Variants in TNR observed in about 807,000 individuals in gnomAD.
TNR encodes tenascin-R.
TNR carries 45 observed loss-of-function variants against 150.4 expected under a neutral mutation model. The observed-to-expected ratio is 0.30, with a 90% confidence interval of 0.24 to 0.38. The LOEUF (loss-of-function observed/expected upper bound fraction) is 0.38, where lower values mean the gene tolerates loss of function less well. Ranked by LOEUF, TNR falls within the 10% of genes least tolerant of loss-of-function variation. The pLI is 1.00. For synonymous variants in TNR, 687 were observed against 678.4 expected (o/e 1.01, Z -0.20); for missense variants, 1,544 against 1,759.1 (o/e 0.88, Z 2.19).
chr1:175,484,695 T>G (rs976680079), intron 2 of TNR, among the ~76,000 whole-genome samples: 2 of 152,226 alleles, frequency 1.3e-5, no homozygotes, highest in Non-Finnish European at 2.9e-5. Flanking sequence ...TTTTCTCTAT[T>G]TATTCTGAAC....
At chr1:175,665,260 T>C (rs988256499) in intron 1 of TNR, among the ~76,000 whole-genome samples, 1 of 152,156 alleles carries the variant, frequency 6.6e-6, no homozygotes, top group African/African-American at 2.4e-5. Context: ...TTCTAAAGTG[T>C]CTTTGAGTCC....
At chr1:175,386,432 A>T in intron 7 of TNR, 131 bp from the exon 8 acceptor site, 1 of 992,870 alleles carries the variant, frequency 1.0e-6, no homozygotes, top group Non-Finnish European at 1.4e-6. Context: ...TGCATTTTAC[A>T]GATGAGGAAA....
chr1:175,710,562 C>T (rs768799970), intron 1 of TNR, among the ~76,000 whole-genome samples: 6 of 152,034 alleles, frequency 3.9e-5, no homozygotes, highest in South Asian at 2.1e-4. Context: ...AGTGAAGAGG[C>T]CCTCAGTACA....
chr1:175,535,961 G>A (rs1233187896), intron 1 of TNR, among the ~76,000 whole-genome samples: 2 of 152,042 alleles, frequency 1.3e-5, no homozygotes, highest in Non-Finnish European at 2.9e-5. Context: ...TTCACCAATA[G>A]AAATCACAGA....
intron 18 of TNR, among the ~76,000 whole-genome samples, chr1:175,352,730 T>C (rs1043573859): frequency 2.6e-5 from 4 of 152,200 alleles, no homozygotes; most frequent in Non-Finnish European, 4.4e-5. Context: ...AAAACACTTG[T>C]TTCTCTGATT....
chr1:175,691,029 G>A (rs888582357), intron 1 of TNR, among the ~76,000 whole-genome samples: 7 of 152,182 alleles, frequency 4.6e-5, no homozygotes, highest in Admixed American at 4.6e-4. Flanking sequence ...TTGTTGGGGT[G>A]TTTGGCACAG....
chr1:175,550,581 C>T (rs1361379851), intron 1 of TNR, among the ~76,000 whole-genome samples: 1 of 151,188 alleles, frequency 6.6e-6, no homozygotes, highest in African/African-American at 2.4e-5. Flanking sequence ...GCTGATAATG[C>T]TTCTCCCTAC....
Position 175,618,756 on chromosome 1 carries a change from T to C in TNR, c.-164-90387A>G, listed in dbSNP as rs890684445. On this transcript the variant is annotated intron_variant, in intron 1 of 22. Coordinates refer to ENST00000367674, the MANE Select transcript of TNR (RefSeq NM_003285.3). ...AATCTACAGAGGAACCCACATCCTGTTTGTCACCTCCAGGAACACACTGGA... is the reference window on the plus strand; with the variant it reads ...AATCTACAGAGGAACCCACATCCTGCTTGTCACCTCCAGGAACACACTGGA... Among the ~76,000 whole-genome samples, 7 of 152,266 alleles carry C rather than the reference T, an allele frequency of 4.6e-5. 1 individual carries two copies. The highest frequency in any genetic ancestry group is 2.0e-4 in the Admixed American group (3 of 15,294).
At chr1:175,663,193 G>A (rs1449951880) in intron 1 of TNR, among the ~76,000 whole-genome samples, 4 of 152,116 alleles carry the variant, frequency 2.6e-5, no homozygotes, top group African/African-American at 7.2e-5. Context: ...CCACGCTGGC[G>A]GGGGATCCAC....
At position 175,386,210 on chromosome 1, in the gene TNR, G is replaced by T; in HGVS notation, c.1599C>A (p.Phe533Leu). Residue 533 changes from phenylalanine to leucine, a missense_variant, in exon 8 of 23, where the codon TTC (phenylalanine) becomes TTA (leucine). Phe to Leu is a conservative substitution (Grantham distance 22). Coordinates refer to ENST00000367674, the MANE Select transcript of TNR (RefSeq NM_003285.3). ...CCACCAGGCCATATTTCAAAAGAAT[G>T]AAATCGACTTTGGCTCGAGGGGGAA... ...EWIPPRAKVD[F>L]ILLKYGLVGG... 6.2e-7 allele frequency: 1 copy of T among 1,611,822 alleles called. No homozygotes were observed. The highest frequency in any genetic ancestry group is 8.5e-7 in the Non-Finnish European group (1 of 1,178,318).
intron 1 of TNR, among the ~76,000 whole-genome samples, chr1:175,582,503 TG>T (rs982212691): frequency 2.6e-5 from 4 of 152,106 alleles, no homozygotes; most frequent in African/African-American, 9.7e-5. Context: ...CTGAAGAAGA[TG>T]GGAAGATGAC....
chr1:175,604,975 C>T (rs1663364289), intron 1 of TNR, among the ~76,000 whole-genome samples: 2 of 152,176 alleles, frequency 1.3e-5, no homozygotes, highest in Admixed American at 1.3e-4. Context: ...AAAGAAGCAT[C>T]TGACAAAGTA....
At chr1:175,685,795 T>C (rs147472174) in intron 1 of TNR, among the ~76,000 whole-genome samples, 2 of 152,170 alleles carry the variant, frequency 1.3e-5, no homozygotes, top group Non-Finnish European at 2.9e-5. Flanking sequence ...AATTATTTCA[T>C]TGGGAAATAG....
intron 8 of TNR, among the ~76,000 whole-genome samples, chr1:175,382,367 C>CT (rs1219935226): frequency 1.3e-5 from 2 of 152,196 alleles, no homozygotes; most frequent in African/African-American, 4.8e-5. Flanking sequence ...AAAAGGATAG[C>CT]TTTGACTGAG....
chr1:175,615,346 C>G (rs1663736096), intron 1 of TNR, among the ~76,000 whole-genome samples: 2 of 152,158 alleles, frequency 1.3e-5, no homozygotes, highest in Admixed American at 1.3e-4. Context: ...TCAGTCTGGG[C>G]AGGTGATTAA....
chr1:175,463,623 T>A (rs2102108147), intron 2 of TNR, among the ~76,000 whole-genome samples: 1 of 152,336 alleles, frequency 6.6e-6, no homozygotes, highest in Middle Eastern at 3.4e-3. Flanking sequence ...CGTAGCCCTT[T>A]TAAGATGTGA....
intron 2 of TNR, among the ~76,000 whole-genome samples, chr1:175,475,414 C>T (rs859412): frequency 0.015 from 2,298 of 152,224 alleles, 58 homozygotes; most frequent in African/African-American, 0.052. Flanking sequence ...GTGTGGTGGA[C>T]GTGCTGGCTT....
At chr1:175,728,664 A>C (rs1353869132) in intron 1 of TNR, among the ~76,000 whole-genome samples, 2 of 152,178 alleles carry the variant, frequency 1.3e-5, no homozygotes, top group Non-Finnish European at 2.9e-5. Context: ...CATAGGTGTG[A>C]TTTAGTGGCT....
intron 2 of TNR, among the ~76,000 whole-genome samples, chr1:175,485,285 A>G (rs1284013379): frequency 6.6e-6 from 1 of 152,206 alleles, no homozygotes; most frequent in African/African-American, 2.4e-5. Flanking sequence ...AGAGCTTGAC[A>G]GCACTGGAAG....
Sources: gnomAD v4.1 joint callset for allele counts (sites outside exome capture counted in the v4.1 genomes callset) on GRCh38, gnomAD v4.1.1 for gene constraint, MANE v1.5 for transcripts, NCBI Gene and HGNC (gene_info 2026-07-23, HGNC 2026-07-21) for gene names.